ARB2A: variants seen among roughly 807,000 people sequenced by gnomAD.
ARB2A encodes ARB2 cotranscriptional regulator A.
At chr5:93,682,712 C>A in the ARB2A span, 24 of 647,496 alleles carry the variant, frequency 3.7e-5, no homozygotes, top group Middle Eastern at 4.1e-4. Flanking sequence ...AGAACCTGGA[C>A]AACATTTATC....
At chr5:93,792,822 C>T in the ARB2A span, among the ~76,000 whole-genome samples, 2 of 151,700 alleles carry the variant, frequency 1.3e-5, no homozygotes, top group Non-Finnish European at 2.9e-5. Context: ...GCACATTGTG[C>T]ACCTGTACCC....
chr5:93,629,419 G>A, the ARB2A span, among the ~76,000 whole-genome samples: 31 of 151,710 alleles, frequency 2.0e-4, no homozygotes, highest in Non-Finnish European at 3.4e-4. Flanking sequence ...TTGAAAGGGC[G>A]GTAACAGGCT....
the ARB2A span, among the ~76,000 whole-genome samples, chr5:93,925,617 T>C: frequency 1.3e-5 from 2 of 152,270 alleles, no homozygotes; most frequent in Non-Finnish European, 2.9e-5. Flanking sequence ...AAACTTCTGA[T>C]TATTTCTGGA....
chr5:93,837,154 C>CT, the ARB2A span, among the ~76,000 whole-genome samples: 2 of 152,038 alleles, frequency 1.3e-5, no homozygotes, highest in Non-Finnish European at 2.9e-5. Flanking sequence ...CAAGTAGGCC[C>CT]TTTTTGTGTC....
the ARB2A span, among the ~76,000 whole-genome samples, chr5:94,076,158 G>A: frequency 6.6e-6 from 1 of 151,718 alleles, no homozygotes; most frequent in Non-Finnish European, 1.5e-5. Context: ...CAAATTCTTT[G>A]GTTTCTTCAT....
At chr5:94,089,005 G>A in the ARB2A span, among the ~76,000 whole-genome samples, 2 of 152,034 alleles carry the variant, frequency 1.3e-5, no homozygotes, top group Non-Finnish European at 2.9e-5. Context: ...CTTCAATTCC[G>A]AGAAAAAATA....
chr5:93,917,557 A>C, the ARB2A span, among the ~76,000 whole-genome samples: 1 of 152,144 alleles, frequency 6.6e-6, no homozygotes, highest in Non-Finnish European at 1.5e-5. Flanking sequence ...CAAAGAAAAA[A>C]AAATTATATT....
the ARB2A span, among the ~76,000 whole-genome samples, chr5:93,995,640 T>C: frequency 2.6e-5 from 4 of 152,146 alleles, no homozygotes; most frequent in East Asian, 3.8e-4. Context: ...TTTTCAACTA[T>C]GTGAGGAGTC....
At chr5:93,777,825 A>G in the ARB2A span, among the ~76,000 whole-genome samples, 2 of 152,192 alleles carry the variant, frequency 1.3e-5, no homozygotes, top group Non-Finnish European at 2.9e-5. Context: ...AGAATTTCAA[A>G]GGCCCCAGTC....
At chr5:93,887,604 C>G in the ARB2A span, among the ~76,000 whole-genome samples, 1 of 151,676 alleles carries the variant, frequency 6.6e-6, no homozygotes, top group South Asian at 2.1e-4. Flanking sequence ...AGATTATCCC[C>G]CCTAATATTG....
chr5:94,015,436 G>A, the ARB2A span, among the ~76,000 whole-genome samples: 6 of 151,870 alleles, frequency 4.0e-5, no homozygotes, highest in African/African-American at 1.5e-4. Context: ...AACAACTAAT[G>A]TGCAAAAAGA....
the ARB2A span, chr5:93,620,892 A>G: frequency 2.7e-6 from 4 of 1,509,194 alleles, no homozygotes; most frequent in East Asian, 4.8e-5. Context: ...GAAGAAAACA[A>G]TCTAATGAGG....
At chr5:93,731,418 C>A in the ARB2A span, among the ~76,000 whole-genome samples, 1 of 152,176 alleles carries the variant, frequency 6.6e-6, no homozygotes, top group Non-Finnish European at 1.5e-5. Flanking sequence ...AAAACCCTCA[C>A]AAGGAACCAA....
At chr5:93,694,926 C>G in the ARB2A span, among the ~76,000 whole-genome samples, 1 of 152,116 alleles carries the variant, frequency 6.6e-6, no homozygotes, top group African/African-American at 2.4e-5. Context: ...ATGACACAAA[C>G]AAGCAACTGG....
the ARB2A span, among the ~76,000 whole-genome samples, chr5:94,052,962 G>A: frequency 6.6e-6 from 1 of 152,122 alleles, no homozygotes; most frequent in Non-Finnish European, 1.5e-5. Context: ...ATGCAAGGAT[G>A]TCACTATTTC....
chr5:94,018,009 T>G, the ARB2A span, among the ~76,000 whole-genome samples: 1 of 152,136 alleles, frequency 6.6e-6, no homozygotes, highest in African/African-American at 2.4e-5. Context: ...TCCTCATTGT[T>G]CTCTTGCTGC....
the ARB2A span, among the ~76,000 whole-genome samples, chr5:93,750,771 C>T: frequency 6.6e-6 from 1 of 152,142 alleles, no homozygotes; most frequent in Non-Finnish European, 1.5e-5. Flanking sequence ...AAGCTATCCC[C>T]ACCTTTGCCT....
At chr5:93,993,238 T>G in the ARB2A span, among the ~76,000 whole-genome samples, 1 of 152,148 alleles carries the variant, frequency 6.6e-6, no homozygotes, top group Admixed American at 6.5e-5. Flanking sequence ...ATAAAATATT[T>G]TGCTTTGGAG....
At chr5:93,741,217 G>A in the ARB2A span, 1 of 1,613,862 alleles carries the variant, frequency 6.2e-7, no homozygotes, top group Non-Finnish European at 8.5e-7. Flanking sequence ...GATGTCCTCT[G>A]GCGGCGGCAA....
Sources: allele counts gnomAD v4.1 joint callset (sites outside exome capture counted in the v4.1 genomes callset), GRCh38; gene constraint gnomAD v4.1.1; transcripts MANE v1.5; gene names NCBI Gene and HGNC (gene_info 2026-07-23, HGNC 2026-07-21).